NRG3: variants seen among roughly 807,000 people sequenced by gnomAD.
NRG3 encodes the protein neuregulin 3.
Under a neutral mutation model 66.9 loss-of-function variants are expected in NRG3, and 31 were observed. The ratio of observed to expected loss-of-function variants is 0.46; its 90% CI spans 0.35 to 0.63. NRG3 has a LOEUF of 0.63. Among genes scored for constraint, NRG3 ranks in the 20% least tolerant of loss-of-function variants. The probability of loss-of-function intolerance (pLI) is 0.00; values close to 1 mark genes in which losing one functional copy is unlikely to be tolerated. For missense variants in NRG3, 910 were observed against 878.9 expected (o/e 1.04, Z -0.45); for synonymous variants, 393 against 359.4 (o/e 1.09, Z -1.06).
chr10:82,047,780 G>T (rs2133090272), intron 1 of NRG3, among the ~76,000 whole-genome samples: 1 of 151,694 alleles, frequency 6.6e-6, no homozygotes, highest in Non-Finnish European at 1.5e-5. Context: ...TGGACTAAAT[G>T]CTCCAATTAA....
intron 2 of NRG3, among the ~76,000 whole-genome samples, chr10:82,411,819 T>C (rs1280522887): frequency 2.0e-5 from 3 of 152,092 alleles, no homozygotes; most frequent in Non-Finnish European, 2.9e-5. Flanking sequence ...GGTGGGGCCT[T>C]AGCGCACCAG....
chr10:82,731,174 C>A (rs2134647403), intron 2 of NRG3, among the ~76,000 whole-genome samples: 1 of 152,004 alleles, frequency 6.6e-6, no homozygotes, highest in African/African-American at 2.4e-5. Context: ...CCAGACTAGC[C>A]TGGCCAACAT....
chr10:81,990,129 C>T lies in NRG3; in HGVS notation c.823+113966C>T, dbSNP rs1306489753. The stretch of plus-strand genomic sequence containing the variant: ...GTTTGTAGTCTAAGAAGTGATTGTC[C>T]GTATCTTTACTCTTTAGATCTCAAT... On this transcript the variant is annotated intron_variant, in intron 1 of 8. Coordinates refer to ENST00000372141, the MANE Select transcript of NRG3 (RefSeq NM_001010848.4). Among the ~76,000 whole-genome samples, 5 of 152,190 alleles carry T rather than the reference C, an allele frequency of 3.3e-5. No individual in the cohort carries two copies. The South Asian group carries it at 8.3e-4, about 25-fold the overall frequency.
At chr10:82,674,968 T>C (rs943254098) in intron 2 of NRG3, among the ~76,000 whole-genome samples, 8 of 151,094 alleles carry the variant, frequency 5.3e-5, no homozygotes, top group Non-Finnish European at 1.2e-4. Context: ...TATTTATTTA[T>C]TTATTTTTTG....
At chr10:81,984,363 A>G (rs1236038575) in intron 1 of NRG3, among the ~76,000 whole-genome samples, 1 of 152,182 alleles carries the variant, frequency 6.6e-6, no homozygotes, top group East Asian at 1.9e-4. Flanking sequence ...TACCACTGTT[A>G]TTAATTTATC....
chr10:82,109,956 C>A (rs185278290), intron 1 of NRG3, among the ~76,000 whole-genome samples: 11 of 152,178 alleles, frequency 7.2e-5, no homozygotes, highest in African/African-American at 2.6e-4. Flanking sequence ...TTCATTGATT[C>A]CTGAATTTAA....
At position 82,387,568 on chromosome 10, in the gene NRG3, GT is replaced by G. The variant is rs200931542; in HGVS notation, c.953+28701del. ...TGAACATTTTTTAGCTGGAAAACAT[GT>G]AAATTTAATACTTTTAATAGATGAA... On this transcript the variant is annotated intron_variant, in intron 2 of 8. Coordinates refer to ENST00000372141, the MANE Select transcript of NRG3 (RefSeq NM_001010848.4). Among the ~76,000 whole-genome samples, 80 of 152,294 alleles carry G rather than the reference GT, an allele frequency of 5.3e-4. 1 individual carries two copies. The East Asian group carries it at 0.014, about 26-fold the overall frequency.
At chr10:82,270,601 T>C (rs1427698818) in intron 1 of NRG3, among the ~76,000 whole-genome samples, 1 of 152,094 alleles carries the variant, frequency 6.6e-6, no homozygotes, top group Non-Finnish European at 1.5e-5. Flanking sequence ...AGAGTCTTAA[T>C]TCATTCTTCA....
chr10:82,208,604 A>C (rs1283525612), intron 1 of NRG3, among the ~76,000 whole-genome samples: 1 of 152,054 alleles, frequency 6.6e-6, no homozygotes, highest in Non-Finnish European at 1.5e-5. Flanking sequence ...GTCTTCCCAG[A>C]GTAAATATCA....
At chr10:82,677,571 T>G (rs555854102) in intron 2 of NRG3, among the ~76,000 whole-genome samples, 42 of 152,322 alleles carry the variant, frequency 2.8e-4, no homozygotes, top group African/African-American at 1.0e-3. Context: ...TCTTTTTTAC[T>G]GTCTGAAACT....
chr10:82,662,426 T>A (rs984908363), intron 2 of NRG3, among the ~76,000 whole-genome samples: 5 of 151,818 alleles, frequency 3.3e-5, no homozygotes, highest in Admixed American at 2.0e-4. Flanking sequence ...TAATAGAAGG[T>A]CTGGGGTATC....
chr10:82,397,837 C>T (rs912653460), intron 2 of NRG3, among the ~76,000 whole-genome samples: 21 of 152,260 alleles, frequency 1.4e-4, no homozygotes, highest in Non-Finnish European at 7.4e-5. Flanking sequence ...TTAATGAGAG[C>T]CATCTTATCC....
chr10:81,947,659 T>G (rs1848969647), intron 1 of NRG3, among the ~76,000 whole-genome samples: 1 of 152,080 alleles, frequency 6.6e-6, no homozygotes, highest in Non-Finnish European at 1.5e-5. Context: ...CAGGTAACAT[T>G]TCCAGATTAG....
rs895232289 is a variant in NRG3, at chr10:82,070,762, G to T, written c.823+194599G>T. 8.5e-4 allele frequency among the ~76,000 whole-genome samples: 130 copies of T among 152,186 alleles called. 3 individuals are homozygous for T. The highest frequency in any genetic ancestry group is 2.7e-3 in the African/African-American group (113 of 41,540). On this transcript the variant is annotated intron_variant, in intron 1 of 8. Transcript: ENST00000372141. ...ATTTAAAAACATTTCAATCTTGTTG[G>T]TGTTCAAAGCCACACAGATGAAAAC... is the stretch of plus-strand genomic sequence containing the variant.
intron 2 of NRG3, among the ~76,000 whole-genome samples, chr10:82,452,645 C>A (rs2091071533): frequency 6.6e-6 from 1 of 151,988 alleles, no homozygotes; most frequent in Non-Finnish European, 1.5e-5. Context: ...TGCTTGTGAT[C>A]AGCTGTCATC....
At chr10:81,962,237 G>A (rs895583558) in intron 1 of NRG3, among the ~76,000 whole-genome samples, 1 of 152,148 alleles carries the variant, frequency 6.6e-6, no homozygotes, top group Admixed American at 6.5e-5. Flanking sequence ...TATAAATTGT[G>A]GAGCTTAATA....
At chr10:82,525,017 C>A (rs1846552072) in intron 2 of NRG3, among the ~76,000 whole-genome samples, 1 of 151,892 alleles carries the variant, frequency 6.6e-6, no homozygotes, top group East Asian at 1.9e-4. Context: ...TGATATGCAG[C>A]AGTGATCCCC....
intron 2 of NRG3, among the ~76,000 whole-genome samples, chr10:82,436,481 C>G (rs2090146745): frequency 6.6e-6 from 1 of 152,088 alleles, no homozygotes; most frequent in Admixed American, 6.5e-5. Context: ...GTCTTGACTC[C>G]TTATCCAATT....
rs961627992 is a variant in NRG3, at chr10:81,916,440, A to G, written c.823+40277A>G. Among the ~76,000 whole-genome samples the G allele has an allele frequency of 2.4e-4, 36 of 152,332 alleles. 1 individual carries two copies. Among genetic ancestry groups the G allele is most frequent in the South Asian group, 6.2e-4 (3 of 4,826 alleles). ...CTGTATGATACAGAAGCAGCTGAGT[A>G]TGAGTTTTCATGAATTTGCAGTGTA... On this transcript the variant is annotated intron_variant, in intron 1 of 8. Coordinates refer to ENST00000372141, the MANE Select transcript of NRG3 (RefSeq NM_001010848.4).
Sources: allele counts gnomAD v4.1 joint callset (sites outside exome capture counted in the v4.1 genomes callset), GRCh38; gene constraint gnomAD v4.1.1; transcripts MANE v1.5; gene names NCBI Gene and HGNC (gene_info 2026-07-23, HGNC 2026-07-21).